The following CDK6 variants were observed in gnomAD, a reference collection of about 807,000 sequenced individuals.
CDK6 encodes cyclin-dependent kinase 6.
A neutral mutation model predicts 37.1 loss-of-function variants in CDK6; 6 were observed. The observed-to-expected ratio is 0.16, with a 90% CI of 0.09 to 0.32. The LOEUF is 0.32. Among genes scored for constraint, CDK6 ranks in the 10% least tolerant of loss-of-function variants. The probability of loss-of-function intolerance (pLI) is 1.00; values close to 1 mark genes in which losing one functional copy is unlikely to be tolerated. For synonymous variants in CDK6, 160 were observed against 161.3 expected, an observed-to-expected ratio of 0.99 and a Z score of 0.06; for missense variants, 224 against 418.9, an observed-to-expected ratio of 0.53 and a Z score of 4.06.
chr7:92,721,982 T>C (rs1048996143), intron 4 of CDK6, among the ~76,000 whole-genome samples: 3 of 152,216 alleles, frequency 2.0e-5, no homozygotes, highest in African/African-American at 7.2e-5. Flanking sequence ...TAGAGCATAC[T>C]GGCTCAGAAA....
chr7:92,800,288 C>T (rs768200192), intron 2 of CDK6, among the ~76,000 whole-genome samples: 1 of 152,164 alleles, frequency 6.6e-6, no homozygotes, highest in Non-Finnish European at 1.5e-5. Context: ...TCCATTCCTC[C>T]TCTTCTCCTC....
intron 3 of CDK6, among the ~76,000 whole-genome samples, chr7:92,772,896 T>C (rs940887962): frequency 6.6e-6 from 1 of 152,158 alleles, no homozygotes; most frequent in Non-Finnish European, 1.5e-5. Flanking sequence ...AAAAGATCTA[T>C]GTAGGTGGTA....
intron 5 of CDK6, among the ~76,000 whole-genome samples, chr7:92,670,016 T>C (rs1342298013): frequency 1.3e-5 from 2 of 152,230 alleles, no homozygotes; most frequent in Non-Finnish European, 2.9e-5. Context: ...TTTAGCCTGT[T>C]TGGCAAACAC....
intron 2 of CDK6, among the ~76,000 whole-genome samples, chr7:92,799,866 A>C (rs146536759): frequency 6.6e-6 from 1 of 152,284 alleles, no homozygotes; most frequent in African/African-American, 2.4e-5. Context: ...CTTTGACTAT[A>C]ACTCTGCCTT....
At chr7:92,803,462 A>C (rs1800641909) in intron 2 of CDK6, among the ~76,000 whole-genome samples, 1 of 152,202 alleles carries the variant, frequency 6.6e-6, no homozygotes, top group Non-Finnish European at 1.5e-5. Context: ...ATAGGTAACA[A>C]GGAGAAGAGC....
intron 4 of CDK6, among the ~76,000 whole-genome samples, chr7:92,683,349 CT>C (rs1377506915): frequency 6.6e-6 from 1 of 152,178 alleles, no homozygotes; most frequent in African/African-American, 2.4e-5. Context: ...TACTATGCTC[CT>C]TTTGACACAG....
chr7:92,810,716 A>G (rs1800858385), intron 2 of CDK6, among the ~76,000 whole-genome samples: 1 of 152,218 alleles, frequency 6.6e-6, no homozygotes, highest in Non-Finnish European at 1.5e-5. Context: ...AAGAAGATAA[A>G]CAGTAATAGT....
chr7:92,820,599 C>G (rs1409004362), intron 2 of CDK6, among the ~76,000 whole-genome samples: 2 of 151,622 alleles, frequency 1.3e-5, no homozygotes, highest in Admixed American at 6.6e-5. Flanking sequence ...GAGATACTGC[C>G]CAAAGTGAAA....
chr7:92,711,696 T>C (rs1368008970), intron 4 of CDK6, among the ~76,000 whole-genome samples: 1 of 150,548 alleles, frequency 6.6e-6, no homozygotes. Flanking sequence ...GCCTCCCAAG[T>C]AGCTGGGACT....
At chr7:92,786,613 CTGTGTG>C (rs557928459) in intron 2 of CDK6, among the ~76,000 whole-genome samples, 1 of 143,688 alleles carries the variant, frequency 7.0e-6, no homozygotes, top group East Asian at 2.0e-4. Flanking sequence ...TAATCTGGCT[CTGTGTG>C]TGTGTGTGTG....
chr7:92,710,791 G>C, intron 4 of CDK6: 1 of 985,412 alleles, frequency 1.0e-6, no homozygotes, highest in Non-Finnish European at 1.2e-6. Context: ...GAAAAGCAGA[G>C]ATGAGGGCTG....
intron 2 of CDK6, among the ~76,000 whole-genome samples, chr7:92,805,867 C>T (rs1800712267): frequency 6.6e-6 from 1 of 152,116 alleles, no homozygotes; most frequent in African/African-American, 2.4e-5. Flanking sequence ...GCATAAACTA[C>T]CTACCGGTTC....
rs368149313 is a variant in CDK6 at position 92,747,598 on chromosome 7, G to T, written c.370-21805C>A. Among the ~76,000 whole-genome samples, 39 of 152,168 alleles carry T rather than the reference G, an allele frequency of 2.6e-4. 1 individual carries two copies. Among genetic ancestry groups the T allele is most frequent in the East Asian group, 1.5e-3 (8 of 5,194 alleles). ...GCTTCTGCTGGCTTGTGTCACTCAT[G>T]CCTCAGAGTAACAGCTTCAATATTC... On this transcript the variant is annotated intron_variant, in intron 3 of 7. Coordinates refer to ENST00000424848, the MANE Select transcript of CDK6 (RefSeq NM_001145306.2).
At chr7:92,680,396 C>T (rs779403428) in intron 4 of CDK6, among the ~76,000 whole-genome samples, 8 of 133,022 alleles carry the variant, frequency 6.0e-5, no homozygotes, top group African/African-American at 1.7e-4. Context: ...CACACCATTG[C>T]GCTCCAGCCT....
At chr7:92,776,566 C>T (rs1799855992) in intron 2 of CDK6, among the ~76,000 whole-genome samples, 1 of 152,214 alleles carries the variant, frequency 6.6e-6, no homozygotes, top group African/African-American at 2.4e-5. Flanking sequence ...TCCTCTCCAG[C>T]ATCTGTTGTT....
In CDK6 at chr7:92,797,466, T is replaced by G. The variant is rs567418128; in HGVS notation, c.234-22635A>C. 2.0e-5 allele frequency among the ~76,000 whole-genome samples: 3 copies of G among 152,286 alleles called. No homozygotes were observed. In the East Asian group the frequency reaches 5.8e-4, roughly 29 times the overall value. Reference sequence around the variant, plus strand: ...ACCTTGGACTCCCAAACCCTCTATATATACTAATGAAATTGGGCTTCTAGG... The same window carrying G: ...ACCTTGGACTCCCAAACCCTCTATAGATACTAATGAAATTGGGCTTCTAGG... On this transcript the variant is annotated intron_variant, in intron 2 of 7. Transcript: ENST00000424848.
At chr7:92,673,266 A>C (rs923680224) in intron 4 of CDK6, among the ~76,000 whole-genome samples, 17 of 152,234 alleles carry the variant, frequency 1.1e-4, no homozygotes, top group African/African-American at 4.1e-4. Flanking sequence ...AACTGACAAG[A>C]TTATGAGTGA....
At chr7:92,657,065 T>A (rs1379516580) in intron 5 of CDK6, among the ~76,000 whole-genome samples, 2 of 152,044 alleles carry the variant, frequency 1.3e-5, no homozygotes, top group Non-Finnish European at 2.9e-5. Flanking sequence ...GGCTCCCATG[T>A]CACATAAAAC....
At chr7:92,808,058 C>T (rs1041679048) in intron 2 of CDK6, among the ~76,000 whole-genome samples, 8 of 152,034 alleles carry the variant, frequency 5.3e-5, no homozygotes, top group Admixed American at 1.3e-4. Flanking sequence ...TCCTCAATTA[C>T]GCAAGTTAAC....
Sources: allele counts gnomAD v4.1 joint callset (sites outside exome capture counted in the v4.1 genomes callset), GRCh38; gene constraint gnomAD v4.1.1; transcripts MANE v1.5; gene names NCBI Gene and HGNC (gene_info 2026-07-23, HGNC 2026-07-21).